The following CNTNAP2 variants were observed in gnomAD, a reference collection of about 807,000 sequenced individuals.
The protein encoded by CNTNAP2 is contactin associated protein 2.
Under a neutral mutation model 155.2 loss-of-function variants are expected in CNTNAP2, and 98 were observed. That is an observed-to-expected ratio of 0.63 (90% CI 0.54 to 0.75). CNTNAP2 has a LOEUF of 0.75. Ranked by LOEUF, CNTNAP2 falls within the 30% of genes least tolerant of loss-of-function variation. CNTNAP2 has a pLI of 0.00. For missense variants in CNTNAP2, 1,727 were observed against 1,688.1 expected (o/e 1.02, Z -0.40); for synonymous variants, 651 against 631.2 (o/e 1.03, Z -0.47).
At chr7:147,194,480 G>A (rs974605310) in intron 8 of CNTNAP2, among the ~76,000 whole-genome samples, 8 of 152,062 alleles carry the variant, frequency 5.3e-5, no homozygotes, top group Non-Finnish European at 2.9e-5. Flanking sequence ...TGGTATTTCT[G>A]GTTCTAGATC....
At chr7:147,559,629 A>C (rs1800020554) in intron 11 of CNTNAP2, among the ~76,000 whole-genome samples, 1 of 152,174 alleles carries the variant, frequency 6.6e-6, no homozygotes, top group South Asian at 2.1e-4. Flanking sequence ...TATAATGGAA[A>C]AGAAGGGGAA....
intron 8 of CNTNAP2, among the ~76,000 whole-genome samples, chr7:147,186,325 T>C (rs1802565303): frequency 6.6e-6 from 1 of 152,184 alleles, no homozygotes; most frequent in South Asian, 2.1e-4. Flanking sequence ...CATAATAAAA[T>C]ATTTTTAAAG....
At chr7:147,447,893 A>G (rs550001874) in intron 10 of CNTNAP2, among the ~76,000 whole-genome samples, 9 of 152,218 alleles carry the variant, frequency 5.9e-5, no homozygotes, top group African/African-American at 2.2e-4. Flanking sequence ...GTCCTAATTC[A>G]AGTTTCATTA....
At chr7:147,593,856 G>T (rs961050539) in intron 12 of CNTNAP2, among the ~76,000 whole-genome samples, 3 of 152,106 alleles carry the variant, frequency 2.0e-5, no homozygotes, top group African/African-American at 4.8e-5. Context: ...GAGGAGAAAG[G>T]CCAGATTACA....
chr7:148,144,984 G>A (rs1411182832), intron 16 of CNTNAP2, among the ~76,000 whole-genome samples: 1 of 152,136 alleles, frequency 6.6e-6, no homozygotes, highest in African/African-American at 2.4e-5. Context: ...TCTGACTGGG[G>A]GATGGGATTT....
intron 20 of CNTNAP2, among the ~76,000 whole-genome samples, chr7:148,235,685 A>ATT (rs398006723): frequency 0.37 from 45,000 of 121,850 alleles, 9,948 homozygotes; most frequent in East Asian, 0.71. Context: ...TGCAGCAATT[A>ATT]TTTTTTTTTT....
chr7:148,324,291 AC>A (rs1435052009), intron 21 of CNTNAP2, among the ~76,000 whole-genome samples: 1 of 151,820 alleles, frequency 6.6e-6, no homozygotes, highest in Non-Finnish European at 1.5e-5. Context: ...GGGCCTGGGC[AC>A]CCCCTGGAAA....
chr7:146,133,254 G>A (rs961799071), intron 1 of CNTNAP2, among the ~76,000 whole-genome samples: 7 of 152,026 alleles, frequency 4.6e-5, no homozygotes, highest in African/African-American at 1.7e-4. Flanking sequence ...ACTTTTTGAT[G>A]GAGTTGTTTG....
At chr7:146,649,310 T>C (rs1160171150) in intron 1 of CNTNAP2, among the ~76,000 whole-genome samples, 2 of 152,138 alleles carry the variant, frequency 1.3e-5, no homozygotes, top group African/African-American at 2.4e-5. Flanking sequence ...GCAATCTCTA[T>C]TAAAATGGTA....
At chr7:146,165,077 T>G (rs887527480) in intron 1 of CNTNAP2, among the ~76,000 whole-genome samples, 2 of 152,166 alleles carry the variant, frequency 1.3e-5, no homozygotes, top group African/African-American at 2.4e-5. Context: ...TCTATGACAA[T>G]TATCTTTAAA....
chr7:147,992,334 A>G (rs1224842229), intron 15 of CNTNAP2, among the ~76,000 whole-genome samples: 1 of 151,450 alleles, frequency 6.6e-6, no homozygotes, highest in African/African-American at 2.4e-5. Context: ...CTGATCTCAA[A>G]CTCCTGACCT....
chr7:147,251,582 T>C (rs897727905), intron 8 of CNTNAP2, among the ~76,000 whole-genome samples: 4 of 152,184 alleles, frequency 2.6e-5, no homozygotes, highest in African/African-American at 9.6e-5. Context: ...TTCAGGTAGC[T>C]CATGGCTTTG....
At chr7:147,896,062 T>A (rs184717723) in intron 13 of CNTNAP2, among the ~76,000 whole-genome samples, 32 of 152,348 alleles carry the variant, frequency 2.1e-4, no homozygotes, top group African/African-American at 7.5e-4. Context: ...ATTCGTTATA[T>A]GAAGACTAAA....
intron 1 of CNTNAP2, among the ~76,000 whole-genome samples, chr7:146,177,511 A>C (rs1271317226): frequency 6.6e-6 from 1 of 152,192 alleles, no homozygotes; most frequent in Non-Finnish European, 1.5e-5. Flanking sequence ...ACAACTGAAA[A>C]AAACAGCAGT....
At chr7:146,969,091 G>A (rs1797724033) in intron 3 of CNTNAP2, among the ~76,000 whole-genome samples, 3 of 150,262 alleles carry the variant, frequency 2.0e-5, no homozygotes, top group African/African-American at 4.9e-5. Flanking sequence ...TCAGGAGCAG[G>A]TTGTTCAGTT....
At chr7:146,367,499 A>G (rs1387124148) in intron 1 of CNTNAP2, among the ~76,000 whole-genome samples, 2 of 152,180 alleles carry the variant, frequency 1.3e-5, no homozygotes, top group African/African-American at 2.4e-5. Context: ...GACAGATTGA[A>G]AGGAAATTTG....
intron 15 of CNTNAP2, among the ~76,000 whole-genome samples, chr7:148,110,248 C>G (rs115715863): frequency 6.6e-6 from 1 of 152,144 alleles, no homozygotes; most frequent in Non-Finnish European, 1.5e-5. Flanking sequence ...CACAATTCCA[C>G]TGTACACATG....
intron 13 of CNTNAP2, among the ~76,000 whole-genome samples, chr7:147,722,129 C>T (rs1330425253): frequency 5.9e-5 from 9 of 152,316 alleles, no homozygotes; most frequent in Middle Eastern, 3.4e-3. Flanking sequence ...AGCCCCAAAC[C>T]ATCAGCGTGC....
At chr7:148,026,941 C>G (rs1802387252) in intron 15 of CNTNAP2, among the ~76,000 whole-genome samples, 1 of 151,784 alleles carries the variant, frequency 6.6e-6, no homozygotes, top group African/African-American at 2.4e-5. Flanking sequence ...TGAGCAGAGG[C>G]AGCAGTCACT....
Sources: allele counts gnomAD v4.1 joint callset (sites outside exome capture counted in the v4.1 genomes callset), GRCh38; gene constraint gnomAD v4.1.1; transcripts MANE v1.5; gene names NCBI Gene and HGNC (gene_info 2026-07-23, HGNC 2026-07-21).